DCAF10: variants seen among roughly 807,000 people sequenced by gnomAD.
DCAF10 encodes DDB1 and CUL4 associated factor 10.
A neutral mutation model predicts 51.9 loss-of-function variants in DCAF10; 19 were observed. The observed-to-expected ratio is 0.37, with a 90% CI of 0.26 to 0.54. DCAF10 has a LOEUF of 0.54. Among genes scored for constraint, DCAF10 ranks in the 20% least tolerant of loss-of-function variants. The pLI is 0.87. For missense variants in DCAF10, 510 were observed against 730.6 expected, an observed-to-expected ratio of 0.70 and a Z score of 3.48; for synonymous variants, 291 against 297.1, an observed-to-expected ratio of 0.98 and a Z score of 0.21.
chr9:37,806,980 A>G (rs1051130374), intron 1 of DCAF10, among the ~76,000 whole-genome samples: 11 of 152,192 alleles, frequency 7.2e-5, no homozygotes, highest in African/African-American at 2.7e-4. Flanking sequence ...ACCTGGACTG[A>G]GGGATTAGGT....
chr9:37,852,516 T>C (rs1830685243), intron 3 of DCAF10, among the ~76,000 whole-genome samples: 1 of 152,158 alleles, frequency 6.6e-6, no homozygotes, highest in East Asian at 1.9e-4. Flanking sequence ...GAAGATTCCT[T>C]GAGCCTGGGA....
At chr9:37,839,117 CG>C (rs1266358448) in intron 2 of DCAF10, among the ~76,000 whole-genome samples, 3 of 151,708 alleles carry the variant, frequency 2.0e-5, no homozygotes, top group Non-Finnish European at 2.9e-5. Context: ...TGCAGTGGCA[CG>C]ATCTCAGCTC....
At chr9:37,808,206 G>A (rs1455824820) in intron 1 of DCAF10, among the ~76,000 whole-genome samples, 1 of 151,754 alleles carries the variant, frequency 6.6e-6, no homozygotes, top group African/African-American at 2.4e-5. Flanking sequence ...GGCTGAGGCA[G>A]GTGGATCACT....
At chr9:37,802,690 C>T (rs1828993463) in intron 1 of DCAF10, among the ~76,000 whole-genome samples, 1 of 152,094 alleles carries the variant, frequency 6.6e-6, no homozygotes, top group African/African-American at 2.4e-5. Flanking sequence ...CCTAATCACA[C>T]GTGGTGCTGG....
chr9:37,853,400 CA>C (rs1445865476), intron 3 of DCAF10, among the ~76,000 whole-genome samples: 2 of 77,666 alleles, frequency 2.6e-5, no homozygotes, highest in Non-Finnish European at 4.7e-5. Context: ...GCGACAAGAG[CA>C]AAACTCCATC....
intron 2 of DCAF10, among the ~76,000 whole-genome samples, chr9:37,838,296 T>C (rs1318127945): frequency 6.6e-6 from 1 of 152,216 alleles, no homozygotes; most frequent in African/African-American, 2.4e-5. Flanking sequence ...ATGATTTTTT[T>C]CCTAGCACTT....
rs1831037044 is a variant in DCAF10 at position 37,862,151 on chromosome 9, G to C, written c.*643G>C. 6.6e-6 allele frequency: 1 copy of C among 152,562 alleles called. No homozygotes were observed. The highest frequency in any genetic ancestry group is 1.5e-5 in the Non-Finnish European group (1 of 68,026). The allele number at this position is 152,562 out of a possible 1,614,324, so 9.5% of individuals were successfully genotyped here. A position where few individuals can be genotyped will look rare whatever the true frequency, so the allele number is the denominator to read the frequency against. Reference sequence around the variant, plus strand: ...AATTATAAAAAGATTTTCATGGTGAGAGGGATTTTATTGTGAAATTCTAGA... The same window carrying C: ...AATTATAAAAAGATTTTCATGGTGACAGGGATTTTATTGTGAAATTCTAGA... On this transcript the variant is annotated 3_prime_UTR_variant, in exon 7 of 7. Coordinates refer to ENST00000377724, the MANE Select transcript of DCAF10 (RefSeq NM_024345.5).
intron 1 of DCAF10, among the ~76,000 whole-genome samples, chr9:37,802,899 C>A (rs1829001889): frequency 6.6e-6 from 1 of 152,198 alleles, no homozygotes; most frequent in South Asian, 2.1e-4. Context: ...TATTCAGTTT[C>A]TCTCTTCATA....
intron 1 of DCAF10, among the ~76,000 whole-genome samples, chr9:37,814,131 T>TATA (rs1829453254): frequency 1.6e-5 from 2 of 122,252 alleles, no homozygotes; most frequent in South Asian, 2.8e-4. Context: ...TATATATTTG[T>TATA]TGTTGTTGTT....
chr9:37,831,460 T>G (rs1220363942), intron 2 of DCAF10, among the ~76,000 whole-genome samples: 1 of 152,192 alleles, frequency 6.6e-6, no homozygotes, highest in Non-Finnish European at 1.5e-5. Context: ...TTCTTAGATA[T>G]AGTAAGTGGT....
chr9:37,800,687 C>A, upstream of DCAF10: 3 of 1,536,010 alleles, frequency 2.0e-6, no homozygotes, highest in Non-Finnish European at 2.6e-6. Context: ...GGGACTGCGG[C>A]GCCCCAAACC....
chr9:37,824,214 A>C (rs924408532), intron 2 of DCAF10, among the ~76,000 whole-genome samples: 8 of 152,284 alleles, frequency 5.3e-5, no homozygotes, highest in Admixed American at 4.6e-4. Context: ...CTGCCTGCCT[A>C]TCAATGACTC....
intron 3 of DCAF10, among the ~76,000 whole-genome samples, chr9:37,842,598 T>G (rs1433223445): frequency 2.0e-5 from 3 of 152,240 alleles, no homozygotes; most frequent in Non-Finnish European, 4.4e-5. Flanking sequence ...TTTCTCACTT[T>G]TTCTTCCCTC....
chr9:37,850,279 G>A (rs953510593), intron 3 of DCAF10, among the ~76,000 whole-genome samples: 2 of 152,078 alleles, frequency 1.3e-5, no homozygotes, highest in Non-Finnish European at 2.9e-5. Context: ...CTTCTACTAG[G>A]TATATATCCA....
intron 2 of DCAF10, among the ~76,000 whole-genome samples, chr9:37,821,659 G>C (rs910400893): frequency 6.6e-6 from 1 of 151,990 alleles, no homozygotes; most frequent in Non-Finnish European, 1.5e-5. Flanking sequence ...TTAAACCTAA[G>C]ACCTGAAACT....
chr9:37,845,832 T>C (rs1830457888), intron 3 of DCAF10, among the ~76,000 whole-genome samples: 1 of 152,104 alleles, frequency 6.6e-6, no homozygotes, highest in Admixed American at 6.6e-5. Flanking sequence ...ATATTCTGAA[T>C]ATCACCTCTG....
In DCAF10 at chr9:37,854,993, C is replaced by T; in HGVS notation, c.1054+11C>T. On this transcript the variant is annotated intron_variant, in intron 4 of 6. Coordinates refer to ENST00000377724, the MANE Select transcript of DCAF10 (RefSeq NM_024345.5). ...CTACTTCAAGTTCAGGTAAGCTTTT[C>T]TTTTTTGGTCAAAAAGATTTTTCTC... 6.3e-7 allele frequency: 1 copy of T among 1,584,874 alleles called. No individual in the cohort carries two copies. The highest frequency in any genetic ancestry group is 8.5e-7 in the Non-Finnish European group (1 of 1,170,460).
chr9:37,804,575 G>A (rs1589071436), intron 1 of DCAF10, among the ~76,000 whole-genome samples: 1 of 152,056 alleles, frequency 6.6e-6, no homozygotes, highest in Admixed American at 6.5e-5. Context: ...TTGGGAGTTC[G>A]AGACCAGCCT....
chr9:37,832,494 T>C (rs1589096596), intron 2 of DCAF10, among the ~76,000 whole-genome samples: 1 of 152,236 alleles, frequency 6.6e-6, no homozygotes, highest in East Asian at 1.9e-4. Context: ...TTTAAATATA[T>C]CCCAGGATCT....
Sources: gnomAD v4.1 joint callset for allele counts (sites outside exome capture counted in the v4.1 genomes callset) on GRCh38, gnomAD v4.1.1 for gene constraint, MANE v1.5 for transcripts, NCBI Gene and HGNC (gene_info 2026-07-23, HGNC 2026-07-21) for gene names.